ITPR1: variants seen among roughly 807,000 people sequenced by gnomAD.
ITPR1 encodes the protein inositol 1,4,5-trisphosphate receptor type 1.
Under a neutral mutation model 318.4 loss-of-function variants are expected in ITPR1, and 96 were observed. The ratio of observed to expected loss-of-function variants is 0.30; its 90% CI spans 0.26 to 0.36. ITPR1 has a LOEUF of 0.36. ITPR1 is among the 10% of genes least tolerant of loss of function. The probability of loss-of-function intolerance (pLI) is 1.00; values close to 1 mark genes in which losing one functional copy is unlikely to be tolerated. For synonymous variants in ITPR1, 1,312 were observed against 1,289.9 expected (o/e 1.02, Z -0.37); for missense variants, 2,440 against 3,460.2 (o/e 0.71, Z 7.40).
intron 44 of ITPR1, among the ~76,000 whole-genome samples, chr3:4,752,075 G>A (rs1407627199): frequency 6.6e-6 from 1 of 152,182 alleles, no homozygotes; most frequent in Admixed American, 6.5e-5. Flanking sequence ...TGACACTGAA[G>A]GGGATAGTCC....
At chr3:4,703,913 A>C (rs1353283882) in intron 36 of ITPR1, among the ~76,000 whole-genome samples, 4 of 152,236 alleles carry the variant, frequency 2.6e-5, no homozygotes, top group Non-Finnish European at 5.9e-5. Context: ...TCTTAGAAAC[A>C]GGGCCCTGCA....
intron 57 of ITPR1, among the ~76,000 whole-genome samples, chr3:4,813,777 T>C (rs1033646729): frequency 1.3e-5 from 2 of 152,186 alleles, no homozygotes; most frequent in African/African-American, 4.8e-5. Flanking sequence ...AACAAAGGGC[T>C]AGATCATGAA....
chr3:4,821,200 C>T (rs961420952), intron 60 of ITPR1, among the ~76,000 whole-genome samples: 9 of 152,244 alleles, frequency 5.9e-5, no homozygotes, highest in African/African-American at 1.2e-4. Context: ...GCCCTCTTGC[C>T]TTTGATACAG....
At position 4,710,228 on chromosome 3, in the gene ITPR1, C is replaced by A; in HGVS notation, c.4843-97C>A. On this transcript the variant is annotated intron_variant, in intron 37 of 61. Coordinates refer to ENST00000649015, the MANE Select transcript of ITPR1 (RefSeq NM_001378452.1). This position sits in a 1 kb window ranked among gnomAD's most constrained non-coding sequence, Gnocchi z 4.2. ...ACTAAAGTTACTCTAACCTAGCCTACCCGTGCATCAGTGTTTTAGGGCAGA... is the reference window on the plus strand; with the variant it reads ...ACTAAAGTTACTCTAACCTAGCCTAACCGTGCATCAGTGTTTTAGGGCAGA... 8.5e-7 allele frequency: 1 copy of A among 1,182,998 alleles called. No individual in the cohort carries two copies. Among genetic ancestry groups the A allele is most frequent in the Non-Finnish European group, 1.1e-6 (1 of 886,782 alleles). 73.3% of individuals were successfully genotyped at this position (1,182,998 alleles called of 1,614,324 possible).
intron 49 of ITPR1, among the ~76,000 whole-genome samples, chr3:4,780,614 G>A (rs2046765436): frequency 6.6e-6 from 1 of 152,170 alleles, no homozygotes; most frequent in Non-Finnish European, 1.5e-5. Context: ...TGACCTGAAT[G>A]TGCACTTGGG....
rs200487406 is a variant in ITPR1 at position 4,811,381 on chromosome 3, C to T, written c.7389C>T (p.Phe2463=). ...AVLALILVYL[F]SIVGYLFFKD... ...TGGCTCTGATCCTCGTTTACCTGTT[C>T]TCAATAGTGGGCTATCTTTTCTTCA... The change falls in exon 56 of 62, where the codon TTC becomes TTT. Residue 2463 remains phenylalanine (F), a synonymous_variant. Coordinates refer to ENST00000649015, the MANE Select transcript of ITPR1 (RefSeq NM_001378452.1). 259 of 1,613,906 alleles carry T rather than the reference C, an allele frequency of 1.6e-4. No homozygotes were observed. Among genetic ancestry groups the T allele is most frequent in the Non-Finnish European group, 1.7e-4 (197 of 1,179,878 alleles).
At chr3:4,800,952 T>C (rs2048189207) in intron 54 of ITPR1, among the ~76,000 whole-genome samples, 1 of 152,060 alleles carries the variant, frequency 6.6e-6, no homozygotes, top group Admixed American at 6.5e-5. Flanking sequence ...ATAAGTGAAA[T>C]GATCAAATAT....
At chr3:4,833,984 T>C (rs2106538088) in intron 60 of ITPR1, among the ~76,000 whole-genome samples, 1 of 152,312 alleles carries the variant, frequency 6.6e-6, no homozygotes, top group Middle Eastern at 3.4e-3. Flanking sequence ...TTCGACCTCC[T>C]GGGCTCAAAC....
chr3:4,681,325 A>G, intron 25 of ITPR1, 39 bp from the exon 26 acceptor site: 1 of 1,476,096 alleles, frequency 6.8e-7, no homozygotes, highest in Non-Finnish European at 9.5e-7. Context: ...ATGTTTGCAG[A>G]CCTTCCTGCA....
Position 4,540,442 on chromosome 3 carries a change from A to T in ITPR1, c.163+19348A>T, listed in dbSNP as rs141108619. Reference sequence around the variant, plus strand: ...CTACTCTCTCTGACCATCTTTGTCTATTATCTATTAATTGGAATGTTTAGT... The same window carrying T: ...CTACTCTCTCTGACCATCTTTGTCTTTTATCTATTAATTGGAATGTTTAGT... On this transcript the variant is annotated intron_variant, in intron 4 of 61. Coordinates refer to ENST00000649015, the MANE Select transcript of ITPR1 (RefSeq NM_001378452.1). Among the ~76,000 whole-genome samples, 363 of 152,294 alleles carry T rather than the reference A, an allele frequency of 2.4e-3. 1 individual carries two copies. The highest frequency in any genetic ancestry group is 8.4e-3 in the African/African-American group (349 of 41,560).
At chr3:4,565,792 T>A (rs1182618114) in intron 4 of ITPR1, among the ~76,000 whole-genome samples, 9 of 152,252 alleles carry the variant, frequency 5.9e-5, no homozygotes, top group Non-Finnish European at 1.3e-4. Flanking sequence ...TTCTAGGGAA[T>A]TAAATTGAGT....
At chr3:4,648,143 ACT>A (rs1421572520) in intron 10 of ITPR1, among the ~76,000 whole-genome samples, 1 of 151,766 alleles carries the variant, frequency 6.6e-6, no homozygotes, top group Non-Finnish European at 1.5e-5. Context: ...CAAGAGTGAA[ACT>A]CTGTCTCAAA....
At chr3:4,587,096 G>A (rs1007637549) in intron 4 of ITPR1, among the ~76,000 whole-genome samples, 2 of 152,076 alleles carry the variant, frequency 1.3e-5, no homozygotes, top group Non-Finnish European at 2.9e-5. Flanking sequence ...AGATTTCGAC[G>A]ACCGGCTTGC....
chr3:4,566,204 T>A (rs2087232035), intron 4 of ITPR1, among the ~76,000 whole-genome samples: 2 of 152,346 alleles, frequency 1.3e-5, no homozygotes, highest in Non-Finnish European at 2.9e-5. Context: ...ATTTGGAAAC[T>A]GAACCTCAGA....
At chr3:4,613,812 G>A (rs928147449) in intron 4 of ITPR1, among the ~76,000 whole-genome samples, 11 of 152,036 alleles carry the variant, frequency 7.2e-5, no homozygotes, top group Admixed American at 6.6e-4. Context: ...ATATGCATGT[G>A]TATACAGATA....
intron 44 of ITPR1, among the ~76,000 whole-genome samples, chr3:4,765,074 G>GAAAAGAAAAT (rs930413396): frequency 4.6e-5 from 7 of 151,902 alleles, no homozygotes; most frequent in Admixed American, 3.3e-4. Context: ...TAAAAGAAAA[G>GAAAAGAAAAT]AAAAGAAAAG....
At chr3:4,786,056 A>C (rs533456845) in intron 51 of ITPR1, among the ~76,000 whole-genome samples, 55 of 152,322 alleles carry the variant, frequency 3.6e-4, no homozygotes, top group Admixed American at 1.1e-3. Flanking sequence ...TCTAGAACTC[A>C]GTTCTTGCCA....
intron 44 of ITPR1, among the ~76,000 whole-genome samples, chr3:4,763,632 T>C (rs1236733037): frequency 1.3e-5 from 2 of 152,242 alleles, no homozygotes; most frequent in African/African-American, 4.8e-5. Context: ...ATTGAGCACA[T>C]TCTATCAATA....
At chr3:4,781,447 T>C (rs578133965) in intron 49 of ITPR1, among the ~76,000 whole-genome samples, 1 of 152,142 alleles carries the variant, frequency 6.6e-6, no homozygotes, top group Non-Finnish European at 1.5e-5. Context: ...GATTCAGATA[T>C]GAGCAGACCC....
Sources: allele counts gnomAD v4.1 joint callset (sites outside exome capture counted in the v4.1 genomes callset), GRCh38; gene constraint gnomAD v4.1.1; non-coding constraint Gnocchi (gnomAD v3.1); transcripts MANE v1.5; gene names NCBI Gene and HGNC (gene_info 2026-07-23, HGNC 2026-07-21).